Variants in LRRTM4 observed in about 807,000 individuals in gnomAD.
The protein encoded by LRRTM4 is leucine rich repeat transmembrane neuronal 4, also known as leucine-rich repeat transmembrane neuronal protein 4.
Under a neutral mutation model 47.6 loss-of-function variants are expected in LRRTM4, and 25 were observed. That is an observed-to-expected ratio of 0.53 (90% CI 0.38 to 0.73). The LOEUF is 0.73. LRRTM4 is among the 30% of genes least tolerant of loss of function. The pLI, the probability that LRRTM4 is intolerant of heterozygous loss-of-function variation, is 0.00. For missense variants in LRRTM4, 638 were observed against 713.4 expected, an observed-to-expected ratio of 0.89 and a Z score of 1.20; for synonymous variants, 311 against 269.5, an observed-to-expected ratio of 1.15 and a Z score of -1.51.
chr2:76,861,996 G>C (rs772772743), intron 3 of LRRTM4, among the ~76,000 whole-genome samples: 1 of 151,944 alleles, frequency 6.6e-6, no homozygotes, highest in African/African-American at 2.4e-5. Context: ...TCTTTGTGGA[G>C]ATTTTCAGGT....
chr2:77,037,951 A>G (rs1004139158), intron 3 of LRRTM4, among the ~76,000 whole-genome samples: 10 of 151,662 alleles, frequency 6.6e-5, no homozygotes, highest in African/African-American at 2.4e-4. Context: ...AGTGACCAGT[A>G]AAATTCTTAA....
chr2:77,375,510 T>C (rs1672803022), intron 3 of LRRTM4, among the ~76,000 whole-genome samples: 1 of 151,790 alleles, frequency 6.6e-6, no homozygotes, highest in South Asian at 2.1e-4. Flanking sequence ...CTGTTAACTA[T>C]AGGCACAATA....
chr2:77,444,472 G>A (rs1675969926), intron 3 of LRRTM4, among the ~76,000 whole-genome samples: 1 of 151,942 alleles, frequency 6.6e-6, no homozygotes, highest in Non-Finnish European at 1.5e-5. Flanking sequence ...CACACGACAG[G>A]CTGACTCAAT....
chr2:77,114,704 G>A (rs908740279), intron 3 of LRRTM4, among the ~76,000 whole-genome samples: 1 of 152,114 alleles, frequency 6.6e-6, no homozygotes, highest in African/African-American at 2.4e-5. Context: ...TTACAGCTGG[G>A]CCTCCGGGGG....
At chr2:77,465,755 T>A (rs925493112) in intron 3 of LRRTM4, among the ~76,000 whole-genome samples, 3 of 152,310 alleles carry the variant, frequency 2.0e-5, no homozygotes, top group African/African-American at 7.2e-5. Context: ...CCAGAAAGCA[T>A]TTTCTTTCAG....
At chr2:77,246,440 A>T (rs1440067227) in intron 3 of LRRTM4, among the ~76,000 whole-genome samples, 1 of 152,202 alleles carries the variant, frequency 6.6e-6, no homozygotes, top group South Asian at 2.1e-4. Context: ...TGTGCTGTTC[A>T]AAATTGGCAC....
chr2:76,801,809 T>A (rs570707758), intron 3 of LRRTM4, among the ~76,000 whole-genome samples: 1 of 152,258 alleles, frequency 6.6e-6, no homozygotes, highest in East Asian at 1.9e-4. Context: ...GAAGCAATGA[T>A]GTGTCAACAT....
chr2:76,861,427 G>A (rs1001568697), intron 3 of LRRTM4, among the ~76,000 whole-genome samples: 17 of 151,846 alleles, frequency 1.1e-4, no homozygotes, highest in African/African-American at 3.6e-4. Flanking sequence ...AAGACGAATG[G>A]AATTGTTCCA....
chr2:77,134,156 C>A (rs938447198), intron 3 of LRRTM4, among the ~76,000 whole-genome samples: 2 of 151,986 alleles, frequency 1.3e-5, no homozygotes, highest in Non-Finnish European at 2.9e-5. Flanking sequence ...CCAAAAATTT[C>A]TATAATCAAG....
At chr2:76,972,465 T>G (rs564419250) in intron 3 of LRRTM4, among the ~76,000 whole-genome samples, 4 of 141,654 alleles carry the variant, frequency 2.8e-5, no homozygotes, top group African/African-American at 1.1e-4. Context: ...TTGCCCAGGA[T>G]GGAGTGCAGT....
chr2:76,845,184 A>T (rs1671802303), intron 3 of LRRTM4, among the ~76,000 whole-genome samples: 1 of 152,310 alleles, frequency 6.6e-6, no homozygotes, highest in South Asian at 2.1e-4. Context: ...GCAAAATGTA[A>T]CAATAAATAA....
At chr2:76,961,007 T>C (rs889976572) in intron 3 of LRRTM4, among the ~76,000 whole-genome samples, 1 of 151,562 alleles carries the variant, frequency 6.6e-6, no homozygotes, top group Non-Finnish European at 1.5e-5. Context: ...TTAATACTTG[T>C]GAAAGATTAG....
intron 3 of LRRTM4, among the ~76,000 whole-genome samples, chr2:77,088,940 C>T (rs1416767383): frequency 6.6e-6 from 1 of 152,082 alleles, no homozygotes; most frequent in Non-Finnish European, 1.5e-5. Flanking sequence ...CAATTCCTTT[C>T]ATTTTCTGGT....
At chr2:77,514,260 C>A (rs1030709188) in intron 3 of LRRTM4, among the ~76,000 whole-genome samples, 1 of 152,018 alleles carries the variant, frequency 6.6e-6, no homozygotes, top group Non-Finnish European at 1.5e-5. Flanking sequence ...GTAACTGGGT[C>A]TGCTTTCCTT....
intron 3 of LRRTM4, among the ~76,000 whole-genome samples, chr2:77,126,771 A>C: frequency 6.6e-6 from 1 of 152,196 alleles, no homozygotes; most frequent in East Asian, 1.9e-4. Context: ...AAGTATACGA[A>C]AGTTTTCAGC....
At chr2:76,871,552 T>G (rs1672624142) in intron 3 of LRRTM4, among the ~76,000 whole-genome samples, 1 of 152,178 alleles carries the variant, frequency 6.6e-6, no homozygotes, top group African/African-American at 2.4e-5. Flanking sequence ...CCTGTACATT[T>G]GTATGGTAGA....
chr2:76,770,886 C>A (rs979709940), intron 3 of LRRTM4, among the ~76,000 whole-genome samples: 1 of 152,142 alleles, frequency 6.6e-6, no homozygotes, highest in African/African-American at 2.4e-5. Flanking sequence ...TCACACTGTG[C>A]TACATGTTCC....
intron 3 of LRRTM4, among the ~76,000 whole-genome samples, chr2:77,157,633 T>A (rs1002401975): frequency 6.6e-6 from 1 of 152,176 alleles, no homozygotes; most frequent in Non-Finnish European, 1.5e-5. Flanking sequence ...CATTCTGCAC[T>A]TGACTAGAAA....
chr2:77,014,062 G>C lies in LRRTM4; in HGVS notation c.1552-265146C>G, dbSNP rs375513892. 1.4e-4 allele frequency among the ~76,000 whole-genome samples: 22 copies of C among 152,274 alleles called. No homozygotes were observed. The South Asian group carries it at 3.3e-3, about 23-fold the overall frequency. ...TCACTGTGTGTTTTGAGTATGATGAGAGAGTATGATTAATATGATCAAATC... is the reference window on the plus strand; with the variant it reads ...TCACTGTGTGTTTTGAGTATGATGACAGAGTATGATTAATATGATCAAATC... On this transcript the variant is annotated intron_variant, in intron 3 of 3. Coordinates refer to ENST00000409884, the MANE Select transcript of LRRTM4 (RefSeq NM_001134745.3).
Sources: gnomAD v4.1 joint callset for allele counts (sites outside exome capture counted in the v4.1 genomes callset) on GRCh38, gnomAD v4.1.1 for gene constraint, MANE v1.5 for transcripts, NCBI Gene and HGNC (gene_info 2026-07-23, HGNC 2026-07-21) for gene names.